SPTBN4: variants seen among roughly 807,000 people sequenced by gnomAD.
SPTBN4 encodes spectrin beta chain, non-erythrocytic 4.
Under a neutral mutation model 277.8 loss-of-function variants are expected in SPTBN4, and 96 were observed. The observed-to-expected ratio is 0.35, with a 90% CI of 0.29 to 0.41. The LOEUF (loss-of-function observed/expected upper bound fraction) is 0.41. SPTBN4 is among the 10% of genes least tolerant of loss of function. SPTBN4 has a pLI of 1.00. For synonymous variants in SPTBN4, 1,481 were observed against 1,580.3 expected, an observed-to-expected ratio of 0.94 and a Z score of 1.49; for missense variants, 3,006 against 3,595.7, an observed-to-expected ratio of 0.84 and a Z score of 4.19.
Position 40,501,970 on chromosome 19 carries a change from C to A in SPTBN4, c.834C>A (p.Val278=). 1 of 1,614,232 alleles carries A rather than the reference C, an allele frequency of 6.2e-7. No homozygotes were observed. ...PDEKSIITYV[V]SFYHYFSKMK... ...AGAAGTCCATCATCACCTACGTGGTCTCTTTCTACCACTATTTCTCCAAGA... is the reference window on the plus strand; with the variant it reads ...AGAAGTCCATCATCACCTACGTGGTATCTTTCTACCACTATTTCTCCAAGA... The change falls in exon 8 of 36, where the codon GTC becomes GTA. Residue 278 remains valine (V), a synonymous_variant. Transcript: ENST00000598249.
chr19:40,547,029 T>A (rs2080866666), intron 20 of SPTBN4, among the ~76,000 whole-genome samples: 2 of 119,098 alleles, frequency 1.7e-5, no homozygotes, highest in Non-Finnish European at 3.8e-5. Flanking sequence ...AAGTATTTTT[T>A]AATTATTTTT....
intron 20 of SPTBN4, among the ~76,000 whole-genome samples, chr19:40,542,779 C>T (rs1452591741): frequency 6.6e-6 from 1 of 151,854 alleles, no homozygotes; most frequent in African/African-American, 2.4e-5. Flanking sequence ...GCAAGGGACC[C>T]CATCCTTTCT....
intron 13 of SPTBN4, among the ~76,000 whole-genome samples, chr19:40,510,511 C>T (rs949812875): frequency 1.3e-5 from 2 of 152,034 alleles, no homozygotes; most frequent in Admixed American, 1.3e-4. Context: ...TGCCGTGTTA[C>T]CCAGGCTGGT....
intron 1 of SPTBN4, among the ~76,000 whole-genome samples, chr19:40,467,966 AGAATAATAGCAAG>A (rs1292201833): frequency 6.6e-6 from 1 of 152,216 alleles, no homozygotes; most frequent in African/African-American, 2.4e-5. Flanking sequence ...GAAAAGATGA[AGAATAATAGCAAG>A]GAACATGTAT....
Position 40,569,707 on chromosome 19 carries a change from G to A in SPTBN4, c.7007G>A (p.Gly2336Asp). ...GAACAGCTGCAGGAGAAAGAGGCAG[G>A]CCCAGGGCTGCCTGCTGGGGTAAGT... ...IVEQLQEKEAGPGLPAGPSLP... is the reference protein window; with the variant it reads ...IVEQLQEKEADPGLPAGPSLP... Residue 2336 changes from glycine to aspartate, a missense_variant, in exon 32 of 36, where the codon GGC (glycine) becomes GAC (aspartate). Transcript: ENST00000598249. 1 of 1,612,218 alleles carries A rather than the reference G, an allele frequency of 6.2e-7. No homozygotes were observed. Among genetic ancestry groups the A allele is most frequent in the Non-Finnish European group, 8.5e-7 (1 of 1,179,284 alleles).
intron 16 of SPTBN4, 135 bp downstream of exon 16, chr19:40,520,286 A>G (rs2080512706): frequency 4.1e-6 from 4 of 980,398 alleles, no homozygotes; most frequent in Non-Finnish European, 4.1e-6. Context: ...GGGAGGTGAG[A>G]GAGTATCCGG....
intron 2 of SPTBN4, among the ~76,000 whole-genome samples, chr19:40,487,440 G>A (rs796873136): frequency 7.9e-5 from 12 of 151,608 alleles, no homozygotes; most frequent in African/African-American, 2.4e-4. Context: ...CCACCTCCCA[G>A]GTTCAAGCAA....
At chr19:40,483,363 T>C (rs2080033987) in intron 2 of SPTBN4, among the ~76,000 whole-genome samples, 1 of 152,092 alleles carries the variant, frequency 6.6e-6, no homozygotes, top group East Asian at 1.9e-4. Flanking sequence ...TATAATTGGA[T>C]TGTCTGCAAC....
chr19:40,570,268 C>A (rs1450366034), intron 32 of SPTBN4, among the ~76,000 whole-genome samples, 168 bp from the exon 33 acceptor site: 2 of 152,028 alleles, frequency 1.3e-5, no homozygotes, highest in African/African-American at 4.8e-5. Flanking sequence ...CTCCCAAGAC[C>A]CATGGGGCCC....
At chr19:40,572,474 C>A in intron 35 of SPTBN4, 94 bp downstream of exon 35, 2 of 1,449,536 alleles carry the variant, frequency 1.4e-6, no homozygotes, top group Non-Finnish European at 1.9e-6. Flanking sequence ...TGAGAAGGGA[C>A]ACTCACAGGC....
chr19:40,541,888 G>A (rs1480547593), intron 20 of SPTBN4, among the ~76,000 whole-genome samples: 2 of 151,630 alleles, frequency 1.3e-5, no homozygotes, highest in African/African-American at 4.9e-5. Context: ...ACAGGCACCC[G>A]CCACCATGCC....
intron 30 of SPTBN4, 47 bp from the exon 31 acceptor site, chr19:40,567,616 G>GCCCCCCCCCCCCCAAACAAAA: frequency 1.8e-6 from 1 of 551,360 alleles, no homozygotes; most frequent in Non-Finnish European, 2.8e-6. Context: ...CCCTTACCCC[G>GCCCCCCCCCCCCCAAACAAAA]CCCCGGCCCC....
At chr19:40,556,386 G>A (rs892826445) in intron 25 of SPTBN4, 98 bp downstream of exon 25, 19 of 1,085,102 alleles carry the variant, frequency 1.8e-5, no homozygotes, top group African/African-American at 1.1e-4. Context: ...AACAGCACCC[G>A]CCTCATGGCT....
chr19:40,559,899 G>A (rs2145941235), intron 26 of SPTBN4, among the ~76,000 whole-genome samples: 1 of 152,370 alleles, frequency 6.6e-6, no homozygotes, highest in South Asian at 2.1e-4. Context: ...AACACAGGTG[G>A]CAGACCCAAT....
Position 40,504,147 on chromosome 19 carries a change from G to GC in SPTBN4, c.1665+16dup. 5 of 1,047,666 alleles carry GC rather than the reference G, an allele frequency of 4.8e-6. No homozygotes were observed. The highest frequency in any genetic ancestry group is 2.0e-5 in the African/African-American group (1 of 51,122). 64.9% of individuals were successfully genotyped at this position (1,047,666 alleles called of 1,614,324 possible). ...AGGAGATGCAGGTGCCGGCGGGGGG[G>GC]CGGGGATGCGGGTGGAGTGCCAGGA... On this transcript the variant is annotated intron_variant, in intron 12 of 35. Coordinates refer to ENST00000598249, the MANE Select transcript of SPTBN4 (RefSeq NM_020971.3).
Position 40,472,644 on chromosome 19 carries a change from T to A in SPTBN4, c.23T>A (p.Val8Glu), listed in dbSNP as rs771031613. ...CCGATGGCGCAGGTACCAGGGGAAGTGGACAACATGGAGGGCCTGCCTGCT... is the reference window on the plus strand; with the variant it reads ...CCGATGGCGCAGGTACCAGGGGAAGAGGACAACATGGAGGGCCTGCCTGCT... Reference protein sequence around the residue: MAQVPGEVDNMEGLPAPN... With the variant: MAQVPGEEDNMEGLPAPN... The change falls in exon 2 of 36, where the codon GTG (valine) becomes GAG (glutamate). Residue 8 changes from valine (V) to glutamate (E), a missense_variant. Physicochemically the swap from Val to Glu is moderately radical, Grantham distance 121. Around this residue, in one of 5 missense-constraint regions of SPTBN4, gnomAD observed 78 missense variants for 65.7 expected, o/e 1.19. Transcript: ENST00000598249. 1 of 1,613,452 alleles carries A rather than the reference T, an allele frequency of 6.2e-7. No homozygotes were observed. The highest frequency in any genetic ancestry group is 2.2e-5 in the East Asian group (1 of 44,886).
At chr19:40,543,253 C>T (rs1219556918) in intron 20 of SPTBN4, among the ~76,000 whole-genome samples, 2 of 152,062 alleles carry the variant, frequency 1.3e-5, no homozygotes, top group Non-Finnish European at 2.9e-5. Context: ...AGTTGGAGAC[C>T]CGCCTGGCCA....
chr19:40,567,120 A>G (rs553188458), intron 30 of SPTBN4: 12 of 455,564 alleles, frequency 2.6e-5, no homozygotes, highest in South Asian at 1.9e-4. Flanking sequence ...CGTCTCTACC[A>G]AAACCAAAAG....
At position 40,533,596 on chromosome 19, in the gene SPTBN4, C is replaced by G. The variant is rs527331074; in HGVS notation, c.4096-484C>G. 1.1e-4 allele frequency among the ~76,000 whole-genome samples: 17 copies of G among 152,300 alleles called. No homozygotes were observed. The South Asian group carries it at 3.5e-3, about 32-fold the overall frequency. ...ATGTTTCATAAATGGTGGCATATGG[C>G]GAAGGCAGTCTTCTTGACTTTGAGT... On this transcript the variant is annotated intron_variant, in intron 19 of 35. Coordinates refer to ENST00000598249, the MANE Select transcript of SPTBN4 (RefSeq NM_020971.3).
Sources: gnomAD v4.1 joint callset for allele counts (sites outside exome capture counted in the v4.1 genomes callset) on GRCh38, gnomAD v4.1.1 for gene constraint, gnomAD v4.1.1 regional missense constraint, MANE v1.5 for transcripts, NCBI Gene and HGNC (gene_info 2026-07-23, HGNC 2026-07-21) for gene names.